ASTN1: variants seen among roughly 807,000 people sequenced by gnomAD.
ASTN1 encodes the protein astrotactin 1.
ASTN1 carries 41 observed loss-of-function variants against 140.7 expected under a neutral mutation model. The observed-to-expected ratio is 0.29, with a 90% confidence interval of 0.23 to 0.38. The LOEUF (loss-of-function observed/expected upper bound fraction) is 0.38. Among genes scored for constraint, ASTN1 ranks in the 10% least tolerant of loss-of-function variants. ASTN1 has a pLI of 1.00. For synonymous variants in ASTN1, 640 were observed against 652.2 expected (o/e 0.98, Z 0.29); for missense variants, 1,479 against 1,678.8 (o/e 0.88, Z 2.08).
intron 16 of ASTN1, among the ~76,000 whole-genome samples, chr1:176,896,837 G>C (rs144539622): frequency 1.3e-5 from 2 of 152,170 alleles, no homozygotes; most frequent in Non-Finnish European, 2.9e-5. Context: ...ATGAGTCTGA[G>C]AGGAACAGAA....
chr1:176,899,527 A>T (rs1483888872), intron 16 of ASTN1, among the ~76,000 whole-genome samples: 14 of 152,260 alleles, frequency 9.2e-5, no homozygotes, highest in Non-Finnish European at 2.1e-4. Flanking sequence ...GAATGACAGA[A>T]GCAGTTCATT....
chr1:176,983,763 C>A (rs1052213655), intron 8 of ASTN1, among the ~76,000 whole-genome samples: 3 of 152,150 alleles, frequency 2.0e-5, no homozygotes, highest in Non-Finnish European at 2.9e-5. Context: ...TCTCAGTGCC[C>A]CTGTACTGTG....
chr1:177,136,700 A>G (rs986559442), intron 1 of ASTN1, among the ~76,000 whole-genome samples: 2 of 152,128 alleles, frequency 1.3e-5, no homozygotes, highest in African/African-American at 4.8e-5. Flanking sequence ...CTGTGCTCTT[A>G]TAAGATGGCA....
intron 16 of ASTN1, among the ~76,000 whole-genome samples, chr1:176,901,825 C>T (rs1669779640): frequency 6.6e-6 from 1 of 152,172 alleles, no homozygotes; most frequent in African/African-American, 2.4e-5. Context: ...CCAACACATC[C>T]AGAAATAGTC....
At chr1:176,994,420 C>G (rs1046271552) in intron 8 of ASTN1, among the ~76,000 whole-genome samples, 32 of 152,062 alleles carry the variant, frequency 2.1e-4, no homozygotes, top group African/African-American at 7.7e-4. Context: ...ATGATCTCAG[C>G]TCACTGCAAC....
At chr1:177,018,859 G>A (rs912804872) in intron 7 of ASTN1, among the ~76,000 whole-genome samples, 1 of 152,210 alleles carries the variant, frequency 6.6e-6, no homozygotes, top group Non-Finnish European at 1.5e-5. Context: ...ACCTCTGGCT[G>A]GATCCAGGGA....
At chr1:177,113,369 C>T (rs572869559) in intron 1 of ASTN1, among the ~76,000 whole-genome samples, 99 of 152,292 alleles carry the variant, frequency 6.5e-4, no homozygotes, top group African/African-American at 2.2e-3. Context: ...ACCTGAACTG[C>T]TTGGAACCAG....
At chr1:177,008,443 A>G (rs1675104589) in intron 8 of ASTN1, among the ~76,000 whole-genome samples, 1 of 97,002 alleles carries the variant, frequency 1.0e-5, no homozygotes, top group Non-Finnish European at 2.2e-5. Context: ...GACAGAGAGG[A>G]AGAGGGAGAG....
intron 8 of ASTN1, among the ~76,000 whole-genome samples, chr1:176,988,813 A>G (rs901812810): frequency 6.6e-6 from 1 of 152,206 alleles, no homozygotes; most frequent in Non-Finnish European, 1.5e-5. Flanking sequence ...CTCACTAATG[A>G]AGGAAACCAA....
chr1:176,924,042 C>A (rs949442314), intron 16 of ASTN1, among the ~76,000 whole-genome samples: 1 of 152,168 alleles, frequency 6.6e-6, no homozygotes, highest in African/African-American at 2.4e-5. Context: ...ATGCTTACTT[C>A]TCCTGGGTCT....
chr1:177,041,801 C>G (rs1441565764), intron 2 of ASTN1, among the ~76,000 whole-genome samples: 1 of 152,218 alleles, frequency 6.6e-6, no homozygotes, highest in East Asian at 1.9e-4. Flanking sequence ...TTTAATCCCT[C>G]TTTCTCCCAT....
At chr1:177,052,686 T>C (rs2861886) in intron 2 of ASTN1, among the ~76,000 whole-genome samples, 10,432 of 152,362 alleles carry the variant, frequency 0.068, 453 homozygotes, top group South Asian at 0.13. Flanking sequence ...GATCCAGCTC[T>C]TCCTTTACCT....
intron 1 of ASTN1, among the ~76,000 whole-genome samples, chr1:177,100,774 C>T (rs1680261421): frequency 6.6e-6 from 1 of 152,114 alleles, no homozygotes. Flanking sequence ...CACAATATTA[C>T]CACTAACATA....
At chr1:177,024,162 C>T (rs1038534974) in intron 6 of ASTN1, among the ~76,000 whole-genome samples, 1 of 152,196 alleles carries the variant, frequency 6.6e-6, no homozygotes, top group Non-Finnish European at 1.5e-5. Flanking sequence ...AGGCTTACAG[C>T]AAGTTACTGC....
chr1:177,047,230 G>A (rs1156365844), intron 2 of ASTN1, among the ~76,000 whole-genome samples: 1 of 152,188 alleles, frequency 6.6e-6, no homozygotes, highest in Non-Finnish European at 1.5e-5. Flanking sequence ...GAGTCATGGG[G>A]CAAAACTGAA....
At chr1:177,029,329 C>A (rs746503554) in intron 5 of ASTN1, 4 of 584,374 alleles carry the variant, frequency 6.8e-6, no homozygotes, top group Admixed American at 3.8e-5. Context: ...GTCTGAACAG[C>A]AAAATATGAC....
At chr1:177,023,323 G>A (rs1245397090) in intron 7 of ASTN1, 81 bp downstream of exon 7, 1 of 1,480,404 alleles carries the variant, frequency 6.8e-7, no homozygotes, top group South Asian at 1.3e-5. Context: ...GAGTTGGGAG[G>A]CATGGTCTGA....
intron 8 of ASTN1, among the ~76,000 whole-genome samples, chr1:176,993,442 G>C (rs1674283538): frequency 6.6e-6 from 1 of 152,164 alleles, no homozygotes; most frequent in East Asian, 1.9e-4. Context: ...AGTGTTCTGG[G>C]AAGGCTTTCT....
chr1:177,014,500 T>C (rs1239531814), intron 8 of ASTN1, among the ~76,000 whole-genome samples: 2 of 152,138 alleles, frequency 1.3e-5, no homozygotes, highest in African/African-American at 4.8e-5. Context: ...GCCTGTGGAA[T>C]CCTCATGGCT....
Sources: allele counts gnomAD v4.1 joint callset (sites outside exome capture counted in the v4.1 genomes callset), GRCh38; gene constraint gnomAD v4.1.1; transcripts MANE v1.5; gene names NCBI Gene and HGNC (gene_info 2026-07-23, HGNC 2026-07-21).